MAMDC4: variants seen among roughly 807,000 people sequenced by gnomAD.
The protein encoded by MAMDC4 is MAM domain containing 4.
MAMDC4 carries 168 observed loss-of-function variants against 153.3 expected under a neutral mutation model. That is an observed-to-expected ratio of 1.10 (90% CI 0.97 to 1.25). The LOEUF is 1.25. MAMDC4 is among the 50% of genes most tolerant of loss of function. MAMDC4 has a pLI of 0.00. For missense variants in MAMDC4, 1,701 were observed against 1,542.8 expected (o/e 1.10, Z -1.72); for synonymous variants, 744 against 651.5 (o/e 1.14, Z -2.16).
chr9:136,859,048 G>A lies in MAMDC4; in HGVS notation c.3000G>A (p.Gln1000=), dbSNP rs769725753. ...LKVLLHSAQG[Q]LAVWGAGGHR... is the part of the protein sequence containing the mutation. Reference sequence around the variant, plus strand: ...TACTGCTGCACAGTGCTCAGGGCCAGCTGGCTGTGTGGGGCGCAGGCGGGC... The same window carrying A: ...TACTGCTGCACAGTGCTCAGGGCCAACTGGCTGTGTGGGGCGCAGGCGGGC... The change falls in exon 24 of 27, where the codon CAG becomes CAA. Residue 1000 remains glutamine, a synonymous_variant. Coordinates refer to ENST00000317446, the MANE Select transcript of MAMDC4 (RefSeq NM_206920.3). The A allele has an allele frequency of 5.8e-6, 9 of 1,555,294 alleles. No homozygotes were observed. The highest frequency in any genetic ancestry group is 1.2e-5 in the South Asian group (1 of 84,760).
chr9:136,852,366 CG>C lies in MAMDC4; in HGVS notation c.-49del. ...GGGCCAGCGCAGGCTGATAACCGCA[CG>C]GAACTTCCCAGGCACCCTGTGTGGC... On this transcript the variant is annotated 5_prime_UTR_variant, in exon 1 of 27. Coordinates refer to ENST00000317446, the MANE Select transcript of MAMDC4 (RefSeq NM_206920.3). 1.9e-6 allele frequency: 3 copies of C among 1,601,668 alleles called. No individual in the cohort carries two copies. The highest frequency in any genetic ancestry group is 1.1e-5 in the South Asian group (1 of 91,006).
intron 15 of MAMDC4, 29 bp from the exon 16 acceptor site, chr9:136,856,878 T>TCTGCAGCACAGCCCCATGCCCC (rs746905989): frequency 5.0e-6 from 8 of 1,611,734 alleles, no homozygotes; most frequent in Non-Finnish European, 6.8e-6. Context: ...GTGGGGCATC[T>TCTGCAGCACAGCCCCATGCCCC]CTGCAGCACA....
chr9:136,857,548 G>A lies in MAMDC4; in HGVS notation c.2288G>A (p.Trp763Ter), dbSNP rs753277162. 6.2e-7 allele frequency: 1 copy of A among 1,611,838 alleles called. No individual in the cohort carries two copies. Among genetic ancestry groups the A allele is most frequent in the Non-Finnish European group, 8.5e-7 (1 of 1,179,942 alleles). Reference sequence around the variant, plus strand: ...GCCAATGCCTCGGGCCATGCTGCCTGGGGCCCCCCAACAGACCATACCACT... The same window carrying A: ...GCCAATGCCTCGGGCCATGCTGCCTAGGGCCCCCCAACAGACCATACCACT... ...RQANASGHAA[W>*]GPPTDHTTET... The change falls in exon 18 of 27, where the codon TGG (tryptophan) becomes TAG (stop). Residue 763 changes from tryptophan to a stop codon, truncating the protein, a stop_gained. Transcript: ENST00000317446. LOFTEE classifies it high-confidence loss of function.
chr9:136,857,153 C>T lies in MAMDC4; in HGVS notation c.1973-12C>T, dbSNP rs754170037. 8 of 1,612,108 alleles carry T rather than the reference C, an allele frequency of 5.0e-6. No homozygotes were observed. In the South Asian group the frequency reaches 5.5e-5, roughly 11 times the overall value. On this transcript the variant is annotated splice_polypyrimidine_tract_variant and intron_variant, in intron 16 of 26. Transcript: ENST00000317446. ...GAGAGAGGTCAGTTATGGACTGGTC[C>T]CCTCCCTGCAGGGACTCTGCGCCTA...
At position 136,857,158 on chromosome 9, in the gene MAMDC4, C is replaced by T. The variant is rs779434698; in HGVS notation, c.1973-7C>T. 90 of 1,612,368 alleles carry T rather than the reference C, an allele frequency of 5.6e-5. No individual in the cohort carries two copies. The highest frequency in any genetic ancestry group is 7.5e-5 in the Non-Finnish European group (88 of 1,179,782). The stretch of plus-strand genomic sequence containing the variant: ...AGGTCAGTTATGGACTGGTCCCCTC[C>T]CTGCAGGGACTCTGCGCCTAGCCAT... On this transcript the variant is annotated splice_region_variant and splice_polypyrimidine_tract_variant and intron_variant, in intron 16 of 26. Transcript: ENST00000317446.
At position 136,859,562 on chromosome 9, in the gene MAMDC4, G is replaced by T. The variant is rs1170048973; in HGVS notation, c.3193+245G>T. 8.4e-6 allele frequency: 5 copies of T among 591,968 alleles called. No individual in the cohort carries two copies. In the Admixed American group the frequency reaches 1.3e-4, roughly 15 times the overall value. 36.7% of individuals were successfully genotyped at this position (591,968 alleles called of 1,614,324 possible). On this transcript the variant is annotated intron_variant, in intron 25 of 26. Transcript: ENST00000317446. Reference sequence around the variant, plus strand: ...CTGGGGCCTGCCCTGCCTGGCTGTGGCCTCTGTGCTCCCTGTGCCCACACC... The same window carrying T: ...CTGGGGCCTGCCCTGCCTGGCTGTGTCCTCTGTGCTCCCTGTGCCCACACC...
chr9:136,854,587 G>C lies in MAMDC4; in HGVS notation c.845G>C (p.Arg282Pro). The change falls in exon 8 of 27, where the codon CGC (arginine) becomes CCC (proline). Residue 282 changes from arginine (R) to proline (P), a missense_variant. Arg to Pro is a moderately radical substitution (Grantham distance 103). Coordinates refer to ENST00000317446, the MANE Select transcript of MAMDC4 (RefSeq NM_206920.3). ...DFETGLGPWN[R>P]SEGWSRNHRA... ...GAGACAGGCCTGGGCCCATGGAACCGCTCGGAAGGCTGGTCCCGGAACCAC... is the reference window on the plus strand; with the variant it reads ...GAGACAGGCCTGGGCCCATGGAACCCCTCGGAAGGCTGGTCCCGGAACCAC... 1 of 1,607,238 alleles carries C rather than the reference G, an allele frequency of 6.2e-7. No individual in the cohort carries two copies. Among genetic ancestry groups the C allele is most frequent in the Non-Finnish European group, 8.5e-7 (1 of 1,177,734 alleles).
intron 21 of MAMDC4, 55 bp from the exon 22 acceptor site, chr9:136,858,342 CGTG>C: frequency 1.9e-6 from 3 of 1,600,150 alleles, no homozygotes; most frequent in South Asian, 1.1e-5. Flanking sequence ...CCTTCGTAGT[CGTG>C]GTGCCCAGGG....
Position 136,860,714 on chromosome 9 carries a change from G to A in MAMDC4, c.*111G>A. 2 of 1,235,790 alleles carry A rather than the reference G, an allele frequency of 1.6e-6. No individual in the cohort carries two copies. The highest frequency in any genetic ancestry group is 1.2e-5 in the South Asian group (1 of 80,638). 76.6% of individuals were successfully genotyped at this position (1,235,790 alleles called of 1,614,324 possible). A position where few individuals can be genotyped will look rare whatever the true frequency, so the allele number is the denominator to read the frequency against. Reference sequence around the variant, plus strand: ...AGGCTGGGACAGGCTGCAGGTCTCAGGATATGCTGAGGCCTGGGCGTTCCC... The same window carrying A: ...AGGCTGGGACAGGCTGCAGGTCTCAAGATATGCTGAGGCCTGGGCGTTCCC... On this transcript the variant is annotated 3_prime_UTR_variant, in exon 27 of 27. Transcript: ENST00000317446.
intron 24 of MAMDC4, 32 bp from the exon 25 acceptor site, chr9:136,859,177 G>A (rs751034990): frequency 1.3e-6 from 2 of 1,599,966 alleles, no homozygotes; most frequent in South Asian, 1.1e-5. Context: ...CTCCACCCAG[G>A]GCCCACACAA....
chr9:136,859,748 C>A, intron 25 of MAMDC4, 138 bp from the exon 26 acceptor site: 2 of 863,500 alleles, frequency 2.3e-6, no homozygotes, highest in South Asian at 3.4e-5. Flanking sequence ...GGTAGCAGAA[C>A]CAATACCCTC....
At position 136,856,451 on chromosome 9, in the gene MAMDC4, C is replaced by G. The variant is rs375062806; in HGVS notation, c.1721-259C>G. On this transcript the variant is annotated intron_variant, in intron 14 of 26. Coordinates refer to ENST00000317446, the MANE Select transcript of MAMDC4 (RefSeq NM_206920.3). ...TGACTTAACCATCCTCCTCATCCCC[C>G]TACCCCATGAAGCTGGAGTTTGTCG... is the stretch of plus-strand genomic sequence containing the variant. 7.0e-5 allele frequency: 55 copies of G among 783,954 alleles called. No individual in the cohort carries two copies. The African/African-American group carries it at 8.1e-4, about 12-fold the overall frequency. 48.6% of individuals were successfully genotyped at this position (783,954 alleles called of 1,614,324 possible). A position where few individuals can be genotyped will look rare whatever the true frequency, so the allele number is the denominator to read the frequency against.
In MAMDC4 at chr9:136,852,414, A is replaced by C; in HGVS notation, c.-3A>C. On this transcript the variant is annotated 5_prime_UTR_variant, in exon 1 of 27. Coordinates refer to ENST00000317446, the MANE Select transcript of MAMDC4 (RefSeq NM_206920.3). The stretch of plus-strand genomic sequence containing the variant: ...TGGCCGCACTGCTCCCTCTGGCCCA[A>C]CCATGCCTCTGTCCAGCCACCTGCT... 6.2e-7 allele frequency: 1 copy of C among 1,609,736 alleles called. No individual in the cohort carries two copies. Among genetic ancestry groups the C allele is most frequent in the South Asian group, 1.1e-5 (1 of 91,078 alleles).
At chr9:136,854,498 G>GCA in intron 7 of MAMDC4, 41 bp from the exon 8 acceptor site, 1 of 1,576,530 alleles carries the variant, frequency 6.3e-7, no homozygotes, top group South Asian at 1.1e-5. Context: ...GCTTCAGGAA[G>GCA]CACTGCCTGG....
intron 26 of MAMDC4, among the ~76,000 whole-genome samples, 181 bp downstream of exon 26, chr9:136,860,245 C>G (rs1032116934): frequency 2.0e-5 from 3 of 152,170 alleles, no homozygotes; most frequent in African/African-American, 7.2e-5. Flanking sequence ...CTTGGCCGGG[C>G]GCGGTGGCTC....
Position 136,860,665 on chromosome 9 carries a change from A to T in MAMDC4, c.*62A>T. On this transcript the variant is annotated 3_prime_UTR_variant, in exon 27 of 27. Coordinates refer to ENST00000317446, the MANE Select transcript of MAMDC4 (RefSeq NM_206920.3). ...TCCAGCACTTGGTCAGACCCTAGCC[A>T]GGGACCGGACACCTGCCCCGCCCAG... 6.3e-7 allele frequency: 1 copy of T among 1,593,390 alleles called. No homozygotes were observed. Among genetic ancestry groups the T allele is most frequent in the Non-Finnish European group, 8.6e-7 (1 of 1,163,228 alleles).
At chr9:136,855,913 C>T in intron 13 of MAMDC4, 65 bp downstream of exon 13, 3 of 1,505,594 alleles carry the variant, frequency 2.0e-6, no homozygotes, top group East Asian at 2.3e-5. Context: ...AGAGGGGTCT[C>T]TGCTCTGCCT....
chr9:136,852,999 C>T (rs1483817338), intron 1 of MAMDC4, 103 bp from the exon 2 acceptor site: 2 of 953,888 alleles, frequency 2.1e-6, no homozygotes, highest in South Asian at 3.2e-5. Flanking sequence ...TGAGGGGCAT[C>T]CCCGGACAAA....
chr9:136,858,881 T>A, intron 23 of MAMDC4, 28 bp downstream of exon 23: 1 of 1,592,874 alleles, frequency 6.3e-7, no homozygotes, highest in Non-Finnish European at 8.5e-7. Context: ...AATGGGTGCC[T>A]GGGCAACGGG....
Sources: allele counts gnomAD v4.1 joint callset (sites outside exome capture counted in the v4.1 genomes callset), GRCh38; gene constraint gnomAD v4.1.1; transcripts MANE v1.5; gene names NCBI Gene and HGNC (gene_info 2026-07-23, HGNC 2026-07-21).